Variants in ANTXR1 observed in about 807,000 individuals in gnomAD.
The protein encoded by ANTXR1 is ANTXR cell adhesion molecule 1, also known as anthrax toxin receptor 1.
A neutral mutation model predicts 78.1 loss-of-function variants in ANTXR1; 19 were observed. That is an observed-to-expected ratio of 0.24 (90% CI 0.17 to 0.36). The LOEUF (loss-of-function observed/expected upper bound fraction) is 0.36. Ranked by LOEUF, ANTXR1 falls within the 10% of genes least tolerant of loss-of-function variation. ANTXR1 has a pLI of 1.00. For missense variants in ANTXR1, 518 were observed against 718.6 expected, an observed-to-expected ratio of 0.72 and a Z score of 3.19; for synonymous variants, 273 against 260.5, an observed-to-expected ratio of 1.05 and a Z score of -0.46.
intron 17 of ANTXR1, 53 bp from the exon 18 acceptor site, chr2:69,245,172 G>A (rs1385280296): frequency 1.2e-6 from 2 of 1,609,170 alleles, no homozygotes; most frequent in Non-Finnish European, 8.5e-7. Flanking sequence ...AGCACCACAG[G>A]CCCTGATGTG....
At chr2:69,082,470 G>A (rs1670927157) in intron 8 of ANTXR1, among the ~76,000 whole-genome samples, 2 of 152,104 alleles carry the variant, frequency 1.3e-5, no homozygotes, top group South Asian at 4.1e-4. Context: ...TCATATTGTG[G>A]CTTCTTCAGG....
intron 17 of ANTXR1, among the ~76,000 whole-genome samples, chr2:69,212,957 T>C (rs1004908331): frequency 1.2e-4 from 16 of 134,980 alleles, no homozygotes; most frequent in African/African-American, 4.9e-4. Flanking sequence ...CATGTGCACA[T>C]CACCTTTTTT....
intron 16 of ANTXR1, among the ~76,000 whole-genome samples, chr2:69,184,360 T>C (rs762105266): frequency 6.6e-6 from 1 of 152,200 alleles, no homozygotes; most frequent in African/African-American, 2.4e-5. Flanking sequence ...TCTGGAAAGA[T>C]GTGGGCAAAA....
intron 1 of ANTXR1, among the ~76,000 whole-genome samples, chr2:69,025,472 T>C (rs1232220147): frequency 6.6e-6 from 1 of 152,174 alleles, no homozygotes; most frequent in Non-Finnish European, 1.5e-5. Context: ...AATTAATAAA[T>C]ACCTGTAGAG....
Position 69,232,216 on chromosome 2 carries a change from G to C in ANTXR1, c.1435-13009G>C, listed in dbSNP as rs1250880710. Among the ~76,000 whole-genome samples, 3 of 151,810 alleles carry C rather than the reference G, an allele frequency of 2.0e-5. No individual in the cohort carries two copies. The East Asian group carries it at 5.8e-4, about 29-fold the overall frequency. Reference sequence around the variant, plus strand: ...TGAAAAAGTAAATAAAAGATATAGAGGCTTTAATTAAATCGAATCAAAAAA... The same window carrying C: ...TGAAAAAGTAAATAAAAGATATAGACGCTTTAATTAAATCGAATCAAAAAA... On this transcript the variant is annotated intron_variant, in intron 17 of 17. Transcript: ENST00000303714.
At chr2:69,039,761 G>C (rs1473021588) in intron 1 of ANTXR1, among the ~76,000 whole-genome samples, 1 of 151,938 alleles carries the variant, frequency 6.6e-6, no homozygotes, top group African/African-American at 2.4e-5. Context: ...AATCTCTTTG[G>C]GCCCAGCGTT....
rs568064315 is a variant in ANTXR1 at position 69,049,437 on chromosome 2, A to G, written c.296+4624A>G. On this transcript the variant is annotated intron_variant, in intron 3 of 17. Transcript: ENST00000303714. ...GCGATTCTCCTGCCTCAGCCTCCCT[A>G]GTAGCTGGGATTACAGGTGCACACC... 9.9e-5 allele frequency among the ~76,000 whole-genome samples: 15 copies of G among 152,166 alleles called. No homozygotes were observed. The East Asian group carries it at 2.7e-3, about 27-fold the overall frequency.
chr2:69,037,108 C>T (rs1669458089), intron 1 of ANTXR1, among the ~76,000 whole-genome samples: 1 of 152,142 alleles, frequency 6.6e-6, no homozygotes, highest in Admixed American at 6.5e-5. Context: ...ATCAGTGACC[C>T]ATCTGGGAAG....
intron 3 of ANTXR1, among the ~76,000 whole-genome samples, chr2:69,067,261 CAAGGAT>C (rs1470911386): frequency 1.5e-5 from 2 of 136,918 alleles, no homozygotes; most frequent in Non-Finnish European, 3.1e-5. Flanking sequence ...TACAAAGCAT[CAAGGAT>C]AAGGACATTT....
Position 69,090,854 on chromosome 2 carries a change from C to T in ANTXR1, c.643-5C>T. ...CATTGACTCTTTTATTTCCGCTCCT[C>T]CTAGATTTTGAAGAAGTCCTGCATC... On this transcript the variant is annotated splice_region_variant and splice_polypyrimidine_tract_variant and intron_variant, in intron 8 of 17. Transcript: ENST00000303714. 6.2e-7 allele frequency: 1 copy of T among 1,612,978 alleles called. No individual in the cohort carries two copies. Among genetic ancestry groups the T allele is most frequent in the Admixed American group, 1.7e-5 (1 of 60,004 alleles).
chr2:69,134,489 A>C (rs77219569), intron 12 of ANTXR1, among the ~76,000 whole-genome samples: 9,179 of 152,284 alleles, frequency 0.06, 354 homozygotes, highest in Middle Eastern at 0.082. Context: ...AGTCAAGCAC[A>C]GGCAGCAGGA....
chr2:69,096,131 T>A (rs113259203), intron 9 of ANTXR1, among the ~76,000 whole-genome samples: 24 of 151,316 alleles, frequency 1.6e-4, no homozygotes, highest in Non-Finnish European at 2.4e-4. Flanking sequence ...GGTGGCGGGC[T>A]CCTGTAGTCC....
At chr2:69,244,690 G>T (rs575429495) in intron 17 of ANTXR1, among the ~76,000 whole-genome samples, 2 of 152,146 alleles carry the variant, frequency 1.3e-5, no homozygotes, top group Non-Finnish European at 2.9e-5. Context: ...GCCATTTCCA[G>T]GCATGTAACT....
chr2:69,225,369 A>G (rs1177063480), intron 17 of ANTXR1, among the ~76,000 whole-genome samples: 2 of 152,132 alleles, frequency 1.3e-5, no homozygotes, highest in Non-Finnish European at 1.5e-5. Context: ...AGTCCCAGCT[A>G]CTCGGGAGGC....
At chr2:69,122,274 A>T (rs965649911) in intron 10 of ANTXR1, among the ~76,000 whole-genome samples, 2 of 152,200 alleles carry the variant, frequency 1.3e-5, no homozygotes, top group African/African-American at 4.8e-5. Context: ...GTGCTTTCCG[A>T]AGACCTGACT....
Position 69,245,549 on chromosome 2 carries a change from A to C in ANTXR1, c.*64A>C. 6.3e-7 allele frequency: 1 copy of C among 1,597,752 alleles called. No individual in the cohort carries two copies. The stretch of plus-strand genomic sequence containing the variant: ...AGGAGATGTTAGAACAAGTCTTTCC[A>C]GTTAGAGAAGAGGAGTGGTGATAAA... On this transcript the variant is annotated 3_prime_UTR_variant, in exon 18 of 18. Transcript: ENST00000303714.
chr2:69,030,091 A>G (rs1671483081), intron 1 of ANTXR1, among the ~76,000 whole-genome samples: 1 of 152,154 alleles, frequency 6.6e-6, no homozygotes, highest in Admixed American at 6.5e-5. Context: ...TTTGAATCCA[A>G]GTTGTGATAA....
chr2:69,175,177 T>C lies in ANTXR1; in HGVS notation c.1089+4888T>C, dbSNP rs10173823. On this transcript the variant is annotated intron_variant, in intron 14 of 17. Transcript: ENST00000303714. ...CACACAGCCCCTTTTAAGACTGACG[T>C]AAAGATGGTTACTTATTTTCTGTGC... 6.9e-3 allele frequency among the ~76,000 whole-genome samples: 1,058 copies of C among 152,364 alleles called. 12 individuals carry two copies. The highest frequency in any genetic ancestry group is 0.024 in the African/African-American group (1,001 of 41,590).
chr2:69,171,715 T>C (rs1197662961), intron 14 of ANTXR1, among the ~76,000 whole-genome samples: 1 of 152,172 alleles, frequency 6.6e-6, no homozygotes, highest in East Asian at 1.9e-4. Flanking sequence ...AGATCCAACA[T>C]CTAGCCTAGG....
Sources: gnomAD v4.1 joint callset for allele counts (sites outside exome capture counted in the v4.1 genomes callset) on GRCh38, gnomAD v4.1.1 for gene constraint, MANE v1.5 for transcripts, NCBI Gene and HGNC (gene_info 2026-07-23, HGNC 2026-07-21) for gene names.